The following SECISBP2 variants were observed in gnomAD, a reference collection of about 807,000 sequenced individuals.
SECISBP2 encodes the protein selenocysteine insertion sequence-binding protein 2.
SECISBP2 carries 96 observed loss-of-function variants against 98.2 expected under a neutral mutation model. That is an observed-to-expected ratio of 0.98 (90% CI 0.83 to 1.16). The LOEUF is 1.16. SECISBP2 is among the 50% of genes most tolerant of loss of function. SECISBP2 has a pLI of 0.00. For synonymous variants in SECISBP2, 407 were observed against 370.2 expected (o/e 1.10, Z -1.14); for missense variants, 1,046 against 1,022.9 (o/e 1.02, Z -0.31).
chr9:89,347,999 T>C, intron 11 of SECISBP2, 80 bp from the exon 12 acceptor site: 1 of 1,405,296 alleles, frequency 7.1e-7, no homozygotes, highest in Non-Finnish European at 9.8e-7. Context: ...AAAGTTGAAC[T>C]TGGGCAGTTT....
chr9:89,319,818 C>G, intron 2 of SECISBP2, 21 bp downstream of exon 2: 1 of 1,612,976 alleles, frequency 6.2e-7, no homozygotes, highest in Middle Eastern at 1.7e-4. Flanking sequence ...TTCTAAAAGT[C>G]TTACCTAGGG....
chr9:89,357,552 A>G lies in SECISBP2; in HGVS notation c.2255A>G (p.Tyr752Cys), dbSNP rs1832277182. 1 of 1,613,794 alleles carries G rather than the reference A, an allele frequency of 6.2e-7. No individual in the cohort carries two copies. Among genetic ancestry groups the G allele is most frequent in the South Asian group, 1.1e-5 (1 of 91,068 alleles). The change falls in exon 15 of 17, where the codon TAT (tyrosine) becomes TGT (cysteine). Residue 752 changes from tyrosine (Y) to cysteine (C), a missense_variant. Transcript: ENST00000375807. ...GTCAGTGTGGTGGGGATCTTCAGCT[A>G]TGATGGGGCCCAGGTGAGTGCACAG... ...VPVSVVGIFS[Y>C]DGAQDQFHKM...
chr9:89,345,291 AAATGACCACGCTTTG>A (rs1326922339), intron 10 of SECISBP2, among the ~76,000 whole-genome samples: 9 of 152,272 alleles, frequency 5.9e-5, no homozygotes, highest in East Asian at 1.9e-4. Flanking sequence ...TCACTACTTT[AAATGACCACGCTTTG>A]AATGACCACG....
intron 1 of SECISBP2, among the ~76,000 whole-genome samples, 156 bp from the exon 2 acceptor site, chr9:89,319,496 G>A (rs1220778844): frequency 7.2e-5 from 11 of 151,808 alleles, no homozygotes; most frequent in Non-Finnish European, 1.3e-4. Context: ...GGGAGAAATC[G>A]TTAGCAAGCA....
At chr9:89,340,359 A>T (rs953041184) in intron 9 of SECISBP2, among the ~76,000 whole-genome samples, 7 of 152,166 alleles carry the variant, frequency 4.6e-5, no homozygotes, top group Non-Finnish European at 1.0e-4. Flanking sequence ...TACTCTGTGA[A>T]GTCAAAATAG....
chr9:89,319,634 CCTCATATTTTTCCTCAGGGCATCAAGT>C lies in SECISBP2; in HGVS notation c.37-17_46del. 1 of 1,614,000 alleles carries C rather than the reference CCTCATATTTTTCCTCAGGGCATCAAGT, an allele frequency of 6.2e-7. No homozygotes were observed. The highest frequency in any genetic ancestry group is 1.7e-5 in the Admixed American group (1 of 60,016). On this transcript the variant is annotated splice_acceptor_variant and splice_polypyrimidine_tract_variant and coding_sequence_variant and intron_variant, in exon 2 of 17. Coordinates refer to ENST00000375807, the MANE Select transcript of SECISBP2 (RefSeq NM_024077.5). LOFTEE classifies it high-confidence loss of function. Reference sequence around the variant, plus strand: ...GATCTCTGAATGTTTGTGGCCAAAACCTCATATTTTTCCTCAGGGCATCAAGTTATCAGCAGATGTCAAACCATTTGT... The same window carrying C: ...GATCTCTGAATGTTTGTGGCCAAAACTATCAGCAGATGTCAAACCATTTGT...
chr9:89,350,948 G>A, intron 14 of SECISBP2, 96 bp downstream of exon 14: 6 of 990,514 alleles, frequency 6.1e-6, no homozygotes, highest in Non-Finnish European at 9.6e-6. Flanking sequence ...CCATGCCACA[G>A]GTCTTGACAA....
the SECISBP2 span, among the ~76,000 whole-genome samples, chr9:89,365,908 C>G: frequency 6.6e-6 from 1 of 152,206 alleles, no homozygotes; most frequent in Admixed American, 6.5e-5. Flanking sequence ...CTGACTGTGG[C>G]ATCTGCTCAT....
Position 89,318,535 on chromosome 9 carries a change from G to A in SECISBP2, c.-42G>A, listed in dbSNP as rs1825085784. 2 of 1,511,976 alleles carry A rather than the reference G, an allele frequency of 1.3e-6. No individual in the cohort carries two copies. Among genetic ancestry groups the A allele is most frequent in the South Asian group, 1.2e-5 (1 of 82,214 alleles). 93.7% of individuals were successfully genotyped at this position (1,511,976 alleles called of 1,614,324 possible). Reference sequence around the variant, plus strand: ...TGTCTGTCCGGCAAGCCGACGGCCCGCTGCTGGCCTCCGTGACGCGGCCTC... The same window carrying A: ...TGTCTGTCCGGCAAGCCGACGGCCCACTGCTGGCCTCCGTGACGCGGCCTC... On this transcript the variant is annotated 5_prime_UTR_variant, in exon 1 of 17. Coordinates refer to ENST00000375807, the MANE Select transcript of SECISBP2 (RefSeq NM_024077.5).
At chr9:89,324,095 A>T (rs1312647596) in intron 2 of SECISBP2, 1 of 152,132 alleles carries the variant, frequency 6.6e-6, no homozygotes, top group African/African-American at 2.4e-5. Context: ...CTGTCAACTC[A>T]TCTTTTATGA....
chr9:89,367,010 G>T, the SECISBP2 span: 11 of 152,522 alleles, frequency 7.2e-5, no homozygotes, highest in Non-Finnish European at 1.5e-4. Context: ...TACACTCTTG[G>T]GGTGTGAGCA....
At position 89,358,173 on chromosome 9, in the gene SECISBP2, AAAG is replaced by A; in HGVS notation, c.2448_2450del (p.Glu817del). On this transcript the variant is annotated inframe_deletion, in exon 16 of 17. Coordinates refer to ENST00000375807, the MANE Select transcript of SECISBP2 (RefSeq NM_024077.5). ...AGATGGCCCCCCAGCCCTGAAAGAA[AAAG>A]AAGAGCCACACTACAGTGAGTGCTT... The A allele has an allele frequency of 6.2e-7, 1 of 1,609,964 alleles. No homozygotes were observed. The highest frequency in any genetic ancestry group is 2.2e-5 in the East Asian group (1 of 44,560).
At chr9:89,361,325 A>G (rs1388255971), downstream of SECISBP2, 2 of 152,150 alleles carry the variant, frequency 1.3e-5, no homozygotes, top group African/African-American at 2.4e-5. Context: ...CTCCAGAAAG[A>G]GGGGATGCAA....
intron 2 of SECISBP2, chr9:89,322,587 CAA>C (rs1474573834): frequency 1.3e-5 from 2 of 152,226 alleles, no homozygotes; most frequent in Non-Finnish European, 2.9e-5. Flanking sequence ...CTGCTATTGA[CAA>C]GAGGTAGTTG....
intron 5 of SECISBP2, among the ~76,000 whole-genome samples, chr9:89,330,885 A>G (rs868246053): frequency 1.3e-5 from 2 of 152,232 alleles, no homozygotes; most frequent in South Asian, 2.1e-4. Flanking sequence ...CTGGGGCTTT[A>G]TATCAAGGTC....
In SECISBP2 at chr9:89,339,899, T is replaced by C; in HGVS notation, c.1248T>C (p.Ser416=). Residue 416 remains serine (S), a synonymous_variant, in exon 9 of 17, where the codon TCT becomes TCC. Coordinates refer to ENST00000375807, the MANE Select transcript of SECISBP2 (RefSeq NM_024077.5). ...AEEFPNLAVA[S]ERRDRIETPK... is the part of the protein sequence containing the mutation. Reference sequence around the variant, plus strand: ...AATTTCCCAACCTGGCAGTTGCATCTGAAAGAAGAGACAGAATAGAGACAC... The same window carrying C: ...AATTTCCCAACCTGGCAGTTGCATCCGAAAGAAGAGACAGAATAGAGACAC... 1 of 1,613,858 alleles carries C rather than the reference T, an allele frequency of 6.2e-7. No individual in the cohort carries two copies. The highest frequency in any genetic ancestry group is 8.5e-7 in the Non-Finnish European group (1 of 1,179,822).
At chr9:89,329,095 T>C in intron 5 of SECISBP2, 1 of 581,436 alleles carries the variant, frequency 1.7e-6, no homozygotes. Context: ...CAGCTATTGT[T>C]TTATTTGTGC....
At position 89,354,138 on chromosome 9, in the gene SECISBP2, T is replaced by C. The variant is rs115086905; in HGVS notation, c.2114-3273T>C. Reference sequence around the variant, plus strand: ...AAGCTTTCTTGTGGAACTTCAGTAGTTGGCCCTTGCCACACGTGCTTTCAT... The same window carrying C: ...AAGCTTTCTTGTGGAACTTCAGTAGCTGGCCCTTGCCACACGTGCTTTCAT... On this transcript the variant is annotated intron_variant, in intron 14 of 16. Coordinates refer to ENST00000375807, the MANE Select transcript of SECISBP2 (RefSeq NM_024077.5). 4.2e-3 allele frequency among the ~76,000 whole-genome samples: 645 copies of C among 152,354 alleles called. 7 individuals are homozygous for C. The highest frequency in any genetic ancestry group is 0.014 in the African/African-American group (594 of 41,574).
chr9:89,339,273 G>C (rs1436698889), intron 8 of SECISBP2, among the ~76,000 whole-genome samples: 3 of 152,156 alleles, frequency 2.0e-5, no homozygotes, highest in Admixed American at 6.5e-5. Context: ...GGTTCCCAAG[G>C]CTCTTAGAAC....
Sources: gnomAD v4.1 joint callset for allele counts (sites outside exome capture counted in the v4.1 genomes callset) on GRCh38, gnomAD v4.1.1 for gene constraint, MANE v1.5 for transcripts, NCBI Gene and HGNC (gene_info 2026-07-23, HGNC 2026-07-21) for gene names.